The following ZNF723 variants were observed in gnomAD, a reference collection of about 807,000 sequenced individuals.
The protein encoded by ZNF723 is zinc finger protein 723.
In ZNF723, 5 loss-of-function variants were observed where a neutral mutation model predicts 9.4. That is an observed-to-expected ratio of 0.53 (90% CI 0.28 to 1.12). The LOEUF (loss-of-function observed/expected upper bound fraction) is 1.12, where lower values mean the gene tolerates loss of function less well. ZNF723 is among the 50% of genes most tolerant of loss of function. The pLI, the probability that ZNF723 is intolerant of heterozygous loss-of-function variation, is 0.10. For missense variants in ZNF723, 450 were observed against 501.5 expected, an observed-to-expected ratio of 0.90 and a Z score of 0.98; for synonymous variants, 158 against 168.8, an observed-to-expected ratio of 0.94 and a Z score of 0.49.
chr19:22,834,196 A>C (rs1047891156), intron 1 of ZNF723, among the ~76,000 whole-genome samples: 1 of 151,822 alleles, frequency 6.6e-6, no homozygotes, highest in Non-Finnish European at 1.5e-5. Flanking sequence ...GATTGCAGGC[A>C]TGAGCCACTG....
chr19:22,824,701 T>G, the ZNF723 span, among the ~76,000 whole-genome samples: 3 of 148,474 alleles, frequency 2.0e-5, no homozygotes, highest in Non-Finnish European at 4.5e-5. Context: ...ATAGTTAGAA[T>G]TTTTACCCAC....
chr19:22,831,052 C>T (rs370178524), upstream of ZNF723, among the ~76,000 whole-genome samples: 663 of 152,240 alleles, frequency 4.4e-3, 9 homozygotes, highest in African/African-American at 0.015. Flanking sequence ...CGTGAGCCAC[C>T]GTGCCCGGCC....
At chr19:22,817,426 C>G in the ZNF723 span, among the ~76,000 whole-genome samples, 1 of 152,206 alleles carries the variant, frequency 6.6e-6, no homozygotes, top group South Asian at 2.1e-4. Flanking sequence ...AGATGTGACT[C>G]TCCTCTTCCG....
chr19:22,831,801 A>G (rs1967099173), upstream of ZNF723, among the ~76,000 whole-genome samples: 1 of 151,960 alleles, frequency 6.6e-6, no homozygotes, highest in South Asian at 2.1e-4. Context: ...CCAGCTACTC[A>G]GGAGGCTGAG....
chr19:22,833,468 CAT>C (rs889892071), intron 1 of ZNF723, among the ~76,000 whole-genome samples: 110 of 151,526 alleles, frequency 7.3e-4, no homozygotes, highest in African/African-American at 2.5e-3. Flanking sequence ...GCATTTTTCA[CAT>C]GTTTTTCAAG....
the ZNF723 span, among the ~76,000 whole-genome samples, chr19:22,826,460 C>A: frequency 6.6e-6 from 1 of 152,210 alleles, no homozygotes. Context: ...ACTCATATTA[C>A]ATAAAGCAGT....
chr19:22,816,555 C>T, the ZNF723 span, among the ~76,000 whole-genome samples: 1 of 152,214 alleles, frequency 6.6e-6, no homozygotes, highest in African/African-American at 2.4e-5. Flanking sequence ...TTGTTAATCT[C>T]TTCTCTGGAC....
chr19:22,832,315 C>T lies in ZNF723; in HGVS notation c.-65C>T. ...CCTTTTGAGTTCCTGGTCTCTGTGG[C>T]CTCCTGACCTACATGCATTGGGAGA... is the stretch of plus-strand genomic sequence containing the variant. On this transcript the variant is annotated 5_prime_UTR_variant, in exon 1 of 4. Transcript: ENST00000600766. 1 of 1,329,854 alleles carries T rather than the reference C, an allele frequency of 7.5e-7. No individual in the cohort carries two copies. The highest frequency in any genetic ancestry group is 1.1e-6 in the Non-Finnish European group (1 of 948,254). 82.4% of individuals were successfully genotyped at this position (1,329,854 alleles called of 1,614,324 possible). A position where few individuals can be genotyped will look rare whatever the true frequency, so the allele number is the denominator to read the frequency against.
the ZNF723 span, among the ~76,000 whole-genome samples, chr19:22,818,234 G>A: frequency 6.6e-6 from 1 of 152,060 alleles, no homozygotes; most frequent in South Asian, 2.1e-4. Context: ...TTCATCAGGT[G>A]GTACACAGAT....
At chr19:22,820,716 T>A in the ZNF723 span, among the ~76,000 whole-genome samples, 4 of 152,214 alleles carry the variant, frequency 2.6e-5, no homozygotes, top group Admixed American at 6.5e-5. Context: ...ATAAAGCAGT[T>A]TGATGGGACA....
intron 1 of ZNF723, among the ~76,000 whole-genome samples, chr19:22,845,936 C>T (rs10410268): frequency 0.036 from 5,007 of 140,830 alleles, 278 homozygotes; most frequent in African/African-American, 0.13. Flanking sequence ...TCAAGAACTG[C>T]GTCCACTCTG....
At chr19:22,814,822 C>T in the ZNF723 span, among the ~76,000 whole-genome samples, 4 of 152,174 alleles carry the variant, frequency 2.6e-5, no homozygotes, top group African/African-American at 9.6e-5. Context: ...TGACGTGAGC[C>T]TATACTTTTG....
the ZNF723 span, among the ~76,000 whole-genome samples, chr19:22,824,212 G>A: frequency 6.6e-6 from 1 of 152,196 alleles, no homozygotes; most frequent in South Asian, 2.1e-4. Flanking sequence ...TGCCCACAGT[G>A]GGCATTGTTA....
intron 1 of ZNF723, among the ~76,000 whole-genome samples, chr19:22,846,895 C>A (rs1396400960): frequency 2.8e-5 from 4 of 141,170 alleles, no homozygotes; most frequent in African/African-American, 1.0e-4. Flanking sequence ...TGAGCCACTA[C>A]CCCCAACCAG....
upstream of ZNF723, among the ~76,000 whole-genome samples, chr19:22,829,360 A>G (rs1241306799): frequency 6.7e-6 from 1 of 150,220 alleles, no homozygotes; most frequent in Non-Finnish European, 1.5e-5. Flanking sequence ...ATTTCCGTGC[A>G]CTACAACATC....
At chr19:22,843,499 A>G (rs1967272709) in intron 1 of ZNF723, among the ~76,000 whole-genome samples, 4 of 152,236 alleles carry the variant, frequency 2.6e-5, no homozygotes, top group Admixed American at 6.5e-5. Context: ...ACTCAAACAA[A>G]TAAACAAATT....
intron 1 of ZNF723, among the ~76,000 whole-genome samples, chr19:22,841,366 CTG>C (rs1967243579): frequency 1.3e-5 from 2 of 152,188 alleles, no homozygotes; most frequent in African/African-American, 4.8e-5. Flanking sequence ...TGTGGACTAA[CTG>C]TGGTGACTGT....
At chr19:22,825,199 T>C in the ZNF723 span, among the ~76,000 whole-genome samples, 1 of 152,142 alleles carries the variant, frequency 6.6e-6, no homozygotes. Flanking sequence ...GGGTAGTGAC[T>C]CTTGAGAAAG....
At chr19:22,821,828 G>C in the ZNF723 span, among the ~76,000 whole-genome samples, 46 of 152,320 alleles carry the variant, frequency 3.0e-4, no homozygotes, top group African/African-American at 1.1e-3. Context: ...TGCATAATTG[G>C]CCAGGTGCAG....
Sources: allele counts gnomAD v4.1 joint callset (sites outside exome capture counted in the v4.1 genomes callset), GRCh38; gene constraint gnomAD v4.1.1; transcripts MANE v1.5; gene names NCBI Gene and HGNC (gene_info 2026-07-23, HGNC 2026-07-21).